The following MGST1 variants were observed in gnomAD, a reference collection of about 807,000 sequenced individuals.
MGST1 encodes microsomal glutathione S-transferase 1.
MGST1 carries 5 observed loss-of-function variants against 8.9 expected under a neutral mutation model. The ratio of observed to expected loss-of-function variants is 0.56; its 90% CI spans 0.29 to 1.19. The LOEUF is 1.19. Among genes scored for constraint, MGST1 ranks in the 50% most tolerant of loss-of-function variants. The pLI is 0.08. For synonymous variants in MGST1, 54 were observed against 67.8 expected (o/e 0.80, Z 1.00); for missense variants, 182 against 187.4 (o/e 0.97, Z 0.17).
chr12:16,419,562 T>C (rs1468599873), intron 1 of MGST1, among the ~76,000 whole-genome samples: 1 of 152,198 alleles, frequency 6.6e-6, no homozygotes, highest in Non-Finnish European at 1.5e-5. Flanking sequence ...GTAGGAAATA[T>C]GGAGAATAAT....
chr12:16,563,735 G>C (rs761763179), intron 4 of MGST1, among the ~76,000 whole-genome samples: 3 of 152,058 alleles, frequency 2.0e-5, no homozygotes, highest in Admixed American at 1.3e-4. Context: ...AGAGTTCTTA[G>C]TCGTACACTG....
intron 1 of MGST1, among the ~76,000 whole-genome samples, chr12:16,425,206 T>C (rs887606324): frequency 3.3e-5 from 5 of 152,184 alleles, no homozygotes; most frequent in Admixed American, 2.6e-4. Context: ...GTAAGGTAGA[T>C]AGATCCAGCC....
chr12:16,564,498 T>C (rs1312534468), intron 4 of MGST1, among the ~76,000 whole-genome samples: 3 of 152,194 alleles, frequency 2.0e-5, no homozygotes. Flanking sequence ...TCATTTAACA[T>C]AGCAATAATG....
intron 4 of MGST1, among the ~76,000 whole-genome samples, chr12:16,480,000 A>G (rs1260696521): frequency 1.3e-5 from 2 of 152,236 alleles, no homozygotes; most frequent in South Asian, 2.1e-4. Flanking sequence ...AGTTAAAACC[A>G]TAACACTTCT....
intron 4 of MGST1, among the ~76,000 whole-genome samples, chr12:16,540,275 T>C (rs1941784892): frequency 6.6e-6 from 1 of 152,170 alleles, no homozygotes. Flanking sequence ...ATTGGCATAA[T>C]TTATTTTATT....
chr12:16,529,246 T>C (rs114997029), intron 4 of MGST1, among the ~76,000 whole-genome samples: 1,725 of 152,156 alleles, frequency 0.011, 31 homozygotes, highest in African/African-American at 0.039. Context: ...CCATTGTAAC[T>C]ATGATGATTT....
At chr12:16,536,082 AGTGTGTGT>A (rs10579042) in intron 4 of MGST1, among the ~76,000 whole-genome samples, 210 of 145,426 alleles carry the variant, frequency 1.4e-3, no homozygotes, top group South Asian at 4.7e-3. Flanking sequence ...GGTGTGTGTG[AGTGTGTGT>A]GTGTGTGTGT....
intron 4 of MGST1, among the ~76,000 whole-genome samples, chr12:16,575,843 C>G (rs956130652): frequency 1.3e-5 from 2 of 152,076 alleles, no homozygotes; most frequent in African/African-American, 2.4e-5. Context: ...TCACCAGGGC[C>G]TTACAGTCTA....
At chr12:16,545,238 A>G (rs964568987) in intron 4 of MGST1, among the ~76,000 whole-genome samples, 10 of 152,076 alleles carry the variant, frequency 6.6e-5, no homozygotes, top group Admixed American at 6.6e-4. Context: ...TTAGCTGCTT[A>G]AATGGTGTTC....
At position 16,361,918 on chromosome 12, in the gene MGST1, C is replaced by T. The variant is rs928007026; in HGVS notation, c.222-1877C>T. 1.3e-5 allele frequency among the ~76,000 whole-genome samples: 2 copies of T among 152,154 alleles called. No homozygotes were observed. Among genetic ancestry groups the T allele is most frequent in the Non-Finnish European group, 2.9e-5 (2 of 68,006 alleles). On this transcript the variant is annotated intron_variant, in intron 3 of 3. Coordinates refer to ENST00000396210, the MANE Select transcript of MGST1 (RefSeq NM_020300.5). The surrounding 1 kb of genome is among the most constrained non-coding windows in gnomAD (Gnocchi z 4.2). ...TGCCCCTTGACCTTCCTTCCCTCTA[C>T]CCTCATGGTCCTCTTACTGTCCTTG...
intron 1 of MGST1, among the ~76,000 whole-genome samples, chr12:16,427,928 CT>C (rs545847938): frequency 1.6e-4 from 24 of 151,756 alleles, no homozygotes; most frequent in Admixed American, 4.6e-4. Flanking sequence ...GGTTTTTAAA[CT>C]TTTTGATTTA....
chr12:16,442,156 G>A (rs1437366693), downstream of MGST1, among the ~76,000 whole-genome samples: 2 of 151,710 alleles, frequency 1.3e-5, no homozygotes, highest in Admixed American at 1.3e-4. This position sits in a 1 kb window ranked among gnomAD's most constrained non-coding sequence, Gnocchi z 4.5. Context: ...TTTTTAAATA[G>A]GGTTGTTCAT....
In MGST1 at chr12:16,479,151, G is replaced by A. The variant is rs370460242; in HGVS notation, n.482+95547G>A. Among the ~76,000 whole-genome samples, 27 of 147,356 alleles carry A rather than the reference G, an allele frequency of 1.8e-4. No individual in the cohort carries two copies. In the South Asian group the frequency reaches 5.9e-3, roughly 32 times the overall value. On this transcript the variant is annotated intron_variant and non_coding_transcript_variant, in intron 4 of 4. Coordinates refer to the MGST1 transcript ENST00000538857. ...GTATCTACTATACATATTAAAGTAT[G>A]TTTCTGTGCTTCATCCCTTTTTATG...
chr12:16,479,396 G>C (rs1014619713), intron 4 of MGST1, among the ~76,000 whole-genome samples: 3 of 151,512 alleles, frequency 2.0e-5, no homozygotes, highest in Non-Finnish European at 4.4e-5. Context: ...CACCACGCCC[G>C]GCTAATTTTT....
chr12:16,539,527 C>T (rs946083676), intron 4 of MGST1, among the ~76,000 whole-genome samples: 1 of 152,160 alleles, frequency 6.6e-6, no homozygotes, highest in Admixed American at 6.5e-5. Context: ...TTGACTGCCT[C>T]CTAAGTGTCG....
rs150628270 is a variant in MGST1, at chr12:16,399,988, G to T, written n.778+16384G>T. 3.6e-4 allele frequency: 511 copies of T among 1,435,024 alleles called. 2 individuals carry two copies. In the African/African-American group the frequency reaches 6.7e-3, roughly 19 times the overall value. The allele number at this position is 1,435,024 out of a possible 1,614,324, so 88.9% of individuals were successfully genotyped here. ...ACTACTAGTGGGCTGAAGGAGGCAG[G>T]TACTCCTGTAGGGAGCTCTGTTAAA... is the stretch of plus-strand genomic sequence containing the variant. On this transcript the variant is annotated intron_variant and non_coding_transcript_variant, in intron 1 of 1. Transcript: ENST00000359720.
rs1027301465 is a variant in MGST1 at position 16,484,876 on chromosome 12, T to G, written n.482+101272T>G. ...TGTAAGATATTTTGCATCTTATAAA[T>G]TTTTTAATTCTCTTGCGCTTAGATG... On this transcript the variant is annotated intron_variant and non_coding_transcript_variant, in intron 4 of 4. Transcript: ENST00000538857. 4.6e-5 allele frequency among the ~76,000 whole-genome samples: 7 copies of G among 152,332 alleles called. No homozygotes were observed. In the South Asian group the frequency reaches 6.2e-4, roughly 14 times the overall value.
downstream of MGST1, among the ~76,000 whole-genome samples, chr12:16,379,923 G>T (rs1346358146): frequency 6.6e-6 from 1 of 152,222 alleles, no homozygotes; most frequent in Non-Finnish European, 1.5e-5. Context: ...AGATTGTCTA[G>T]TTTATTTGCA....
chr12:16,581,715 A>G (rs1004829723), intron 4 of MGST1, among the ~76,000 whole-genome samples: 1 of 152,156 alleles, frequency 6.6e-6, no homozygotes, highest in Non-Finnish European at 1.5e-5. Context: ...GAACAGAAAA[A>G]TAGAGGACTT....
Sources: gnomAD v4.1 joint callset for allele counts (sites outside exome capture counted in the v4.1 genomes callset) on GRCh38, gnomAD v4.1.1 for gene constraint, Gnocchi (gnomAD v3.1) non-coding constraint, MANE v1.5 for transcripts, NCBI Gene and HGNC (gene_info 2026-07-23, HGNC 2026-07-21) for gene names.